DISP1: variants seen among roughly 807,000 people sequenced by gnomAD.
The protein encoded by DISP1 is protein dispatched homolog 1.
A neutral mutation model predicts 37.3 loss-of-function variants in DISP1; 30 were observed. The observed-to-expected ratio is 0.80, with a 90% CI of 0.60 to 1.09. The LOEUF is 1.09. DISP1 is among the 50% of genes least tolerant of loss of function. The pLI, the probability that DISP1 is intolerant of heterozygous loss-of-function variation, is 0.00. For synonymous variants in DISP1, 634 were observed against 690.2 expected (o/e 0.92, Z 1.28); for missense variants, 1,598 against 1,879.5 (o/e 0.85, Z 2.77).
chr1:222,827,445 C>T (rs1008369005), intron 1 of DISP1: 3 of 152,090 alleles, frequency 2.0e-5, no homozygotes, highest in East Asian at 1.9e-4. Context: ...TTTTATAACA[C>T]TGTTACTGGG....
intron 2 of DISP1, among the ~76,000 whole-genome samples, chr1:222,931,511 G>A (rs993873383): frequency 3.3e-5 from 5 of 151,792 alleles, no homozygotes; most frequent in African/African-American, 4.8e-5. Flanking sequence ...AGTTTCAAAT[G>A]AAATCTCATG....
chr1:222,975,552 A>C (rs1292971529), intron 3 of DISP1, among the ~76,000 whole-genome samples: 1 of 151,148 alleles, frequency 6.6e-6, no homozygotes, highest in East Asian at 1.9e-4. Flanking sequence ...CCCCTTTCAC[A>C]CTCCTTTTTT....
intron 1 of DISP1, among the ~76,000 whole-genome samples, chr1:222,888,314 C>T (rs1174170314): frequency 6.6e-6 from 1 of 152,118 alleles, no homozygotes; most frequent in Non-Finnish European, 1.5e-5. Context: ...TGGCTACTTA[C>T]TGCATGCATG....
intron 1 of DISP1, among the ~76,000 whole-genome samples, chr1:222,921,155 T>C (rs906331574): frequency 6.6e-6 from 1 of 151,982 alleles, no homozygotes; most frequent in Non-Finnish European, 1.5e-5. Context: ...CTACTAAAAA[T>C]ACAAAAATTA....
chr1:222,925,260 A>G (rs1304907933), intron 1 of DISP1, among the ~76,000 whole-genome samples: 1 of 152,160 alleles, frequency 6.6e-6, no homozygotes, highest in Non-Finnish European at 1.5e-5. Context: ...GTTAGAGAAT[A>G]CAGGTCTTTG....
At chr1:222,840,937 A>G (rs982514418) in intron 1 of DISP1, among the ~76,000 whole-genome samples, 1 of 152,184 alleles carries the variant, frequency 6.6e-6, no homozygotes, top group Non-Finnish European at 1.5e-5. Flanking sequence ...GTTAAATACT[A>G]TATGTACACA....
intron 4 of DISP1, among the ~76,000 whole-genome samples, chr1:222,988,901 C>T (rs1387219561): frequency 1.3e-5 from 2 of 152,158 alleles, no homozygotes; most frequent in Non-Finnish European, 2.9e-5. Flanking sequence ...GATCTGACTG[C>T]CTCAGCGTCC....
chr1:222,936,794 A>AT (rs1558339805), intron 2 of DISP1, among the ~76,000 whole-genome samples: 58 of 75,542 alleles, frequency 7.7e-4, no homozygotes, highest in African/African-American at 1.6e-3. Flanking sequence ...TAATATATAT[A>AT]ATATATTATA....
intron 1 of DISP1, among the ~76,000 whole-genome samples, chr1:222,843,768 G>T (rs1181989760): frequency 6.6e-6 from 1 of 152,084 alleles, no homozygotes; most frequent in Non-Finnish European, 1.5e-5. Context: ...AAAACATGGT[G>T]GAAGAGAAAG....
rs35888809 is a variant in DISP1, at chr1:222,957,145, TAA to T, written c.509+13835_509+13836del. Among the ~76,000 whole-genome samples the T allele has an allele frequency of 7.2e-3, 748 of 103,228 alleles. 10 individuals carry two copies. Among genetic ancestry groups the T allele is most frequent in the African/African-American group, 0.022 (601 of 27,090 alleles). 67.7% of individuals were successfully genotyped at this position (103,228 alleles called of 152,430 possible). A position where few individuals can be genotyped will look rare whatever the true frequency, so the allele number is the denominator to read the frequency against. On this transcript the variant is annotated intron_variant, in intron 3 of 8. Transcript: ENST00000675850. ...CTCTAAACTATTTTCTTTACTATTG[TAA>T]AAAAAAAAAAAAAAAAAAAAAGCAT...
At chr1:222,940,914 A>G (rs1572569379) in intron 2 of DISP1, among the ~76,000 whole-genome samples, 2 of 152,210 alleles carry the variant, frequency 1.3e-5, no homozygotes, top group East Asian at 3.8e-4. Flanking sequence ...ATTGTTTCCT[A>G]CATTATCTAA....
In DISP1 at chr1:222,826,833, G is replaced by A. The variant is rs534654045; in HGVS notation, c.-159+11755G>A. 1.8e-4 allele frequency among the ~76,000 whole-genome samples: 28 copies of A among 152,218 alleles called. 1 individual carries two copies. The South Asian group carries it at 4.8e-3, about 26-fold the overall frequency. On this transcript the variant is annotated intron_variant, in intron 1 of 8. Transcript: ENST00000675850. ...TAACTAAAATGTAATTTCTTTAACC[G>A]TTGAATTTGGACAATCTGACTTCAG...
intron 1 of DISP1, among the ~76,000 whole-genome samples, chr1:222,822,098 G>A (rs1402212036): frequency 6.6e-6 from 1 of 152,152 alleles, no homozygotes; most frequent in Non-Finnish European, 1.5e-5. Context: ...CTTTATAGTA[G>A]TGTGAAAACG....
At chr1:222,946,040 G>A (rs1201227319) in intron 3 of DISP1, 1 of 152,010 alleles carries the variant, frequency 6.6e-6, no homozygotes, top group Non-Finnish European at 1.5e-5. Flanking sequence ...AAGTAGATTA[G>A]TATGAAGGAA....
In DISP1 at chr1:222,855,925, G is replaced by A. The variant is rs548199471; in HGVS notation, c.-159+40847G>A. On this transcript the variant is annotated intron_variant, in intron 1 of 8. Transcript: ENST00000675850. ...TTCAAAAAAAAAAAAAAATGCAGCT[G>A]CTTGCAAGAGGAGAGCTAAACTAAC... 1.4e-3 allele frequency among the ~76,000 whole-genome samples: 213 copies of A among 149,150 alleles called. 2 individuals are homozygous for A. The Middle Eastern group carries it at 0.014, about 10-fold the overall frequency.
intron 3 of DISP1, among the ~76,000 whole-genome samples, chr1:222,978,237 C>T (rs568063811): frequency 2.6e-5 from 4 of 152,208 alleles, no homozygotes; most frequent in East Asian, 1.9e-4. Context: ...GATGGTATCT[C>T]GTTGTGGTTT....
intron 2 of DISP1, among the ~76,000 whole-genome samples, chr1:222,931,447 A>G (rs1673389549): frequency 6.6e-6 from 1 of 151,956 alleles, no homozygotes; most frequent in Non-Finnish European, 1.5e-5. Flanking sequence ...AGTGATACAG[A>G]TAGATTGCTC....
chr1:222,888,131 A>G (rs933063578), intron 1 of DISP1, among the ~76,000 whole-genome samples: 1 of 152,218 alleles, frequency 6.6e-6, no homozygotes, highest in Non-Finnish European at 1.5e-5. Context: ...GAACATTTCT[A>G]GGAGATGGTT....
At chr1:222,875,654 T>TAAAAAAA (rs1161033639) in intron 1 of DISP1, among the ~76,000 whole-genome samples, 4 of 93,678 alleles carry the variant, frequency 4.3e-5, no homozygotes, top group African/African-American at 1.3e-4. Context: ...CTGTCTCTAC[T>TAAAAAAA]AAAAAAAAAA....
Sources: gnomAD v4.1 joint callset for allele counts (sites outside exome capture counted in the v4.1 genomes callset) on GRCh38, gnomAD v4.1.1 for gene constraint, MANE v1.5 for transcripts, NCBI Gene and HGNC (gene_info 2026-07-23, HGNC 2026-07-21) for gene names.